CDH12: variants seen among roughly 807,000 people sequenced by gnomAD.
The protein encoded by CDH12 is cadherin 12.
A neutral mutation model predicts 74.1 loss-of-function variants in CDH12; 41 were observed. The ratio of observed to expected loss-of-function variants is 0.55; its 90% CI spans 0.43 to 0.72. CDH12 has a LOEUF of 0.72. CDH12 is among the 30% of genes least tolerant of loss of function. CDH12 has a pLI of 0.00. For synonymous variants in CDH12, 399 were observed against 355.0 expected (o/e 1.12, Z -1.39); for missense variants, 945 against 977.2 (o/e 0.97, Z 0.44).
Position 22,772,692 on chromosome 5 carries a change from C to T in CDH12, c.-523+80366G>A, listed in dbSNP as rs573438408. Among the ~76,000 whole-genome samples, 359 of 152,088 alleles carry T rather than the reference C, an allele frequency of 2.4e-3. 2 individuals are homozygous for T. The highest frequency in any genetic ancestry group is 7.5e-3 in the African/African-American group (313 of 41,512). On this transcript the variant is annotated intron_variant, in intron 1 of 14. Coordinates refer to ENST00000382254, the MANE Select transcript of CDH12 (RefSeq NM_004061.5). Reference sequence around the variant, plus strand: ...AAAAGTATATGAGAGCAAAATTTTACGCAAGGTATGCAGAAACCATGCCTG... The same window carrying T: ...AAAAGTATATGAGAGCAAAATTTTATGCAAGGTATGCAGAAACCATGCCTG...
chr5:22,656,594 TA>T (rs1171189783), intron 1 of CDH12, among the ~76,000 whole-genome samples: 5 of 152,176 alleles, frequency 3.3e-5, no homozygotes, highest in African/African-American at 2.4e-5. Flanking sequence ...TAAATTGATT[TA>T]AAAAAATTTC....
intron 1 of CDH12, among the ~76,000 whole-genome samples, chr5:22,831,620 G>A (rs1280213374): frequency 6.6e-6 from 1 of 152,042 alleles, no homozygotes; most frequent in Non-Finnish European, 1.5e-5. Flanking sequence ...AATCCAGCCG[G>A]GTACGGTGGG....
At chr5:22,456,573 A>G (rs1205596872) in intron 2 of CDH12, among the ~76,000 whole-genome samples, 2 of 152,134 alleles carry the variant, frequency 1.3e-5, no homozygotes, top group Admixed American at 6.6e-5. Flanking sequence ...CACGTGCCCA[A>G]TCAAACTATT....
chr5:22,502,911 T>C (rs1269506256), intron 2 of CDH12, among the ~76,000 whole-genome samples: 1 of 152,144 alleles, frequency 6.6e-6, no homozygotes, highest in Non-Finnish European at 1.5e-5. Flanking sequence ...ACATATGAAA[T>C]GATATCATAT....
chr5:21,765,556 A>AAAG (rs1264231774), intron 11 of CDH12, among the ~76,000 whole-genome samples: 44 of 150,880 alleles, frequency 2.9e-4, no homozygotes, highest in Admixed American at 7.9e-4. Context: ...AAAAAAAAAA[A>AAAG]GGGGAAAGAA....
At chr5:22,541,973 C>T (rs1441066891) in intron 1 of CDH12, among the ~76,000 whole-genome samples, 5 of 152,168 alleles carry the variant, frequency 3.3e-5, no homozygotes, top group African/African-American at 2.4e-5. Flanking sequence ...TTCATTTGCT[C>T]TGTTAGGGCT....
Position 22,713,032 on chromosome 5 carries a change from G to T in CDH12, c.-523+140026C>A, listed in dbSNP as rs576518269. Among the ~76,000 whole-genome samples the T allele has an allele frequency of 3.3e-5, 5 of 151,796 alleles. No homozygotes were observed. The South Asian group carries it at 8.3e-4, about 25-fold the overall frequency. On this transcript the variant is annotated intron_variant, in intron 1 of 14. Coordinates refer to ENST00000382254, the MANE Select transcript of CDH12 (RefSeq NM_004061.5). ...TACACCAGGAAACTGGGCAAACTTG[G>T]CATACATCAGAGAATACTTAACGAT...
chr5:21,970,230 GA>G (rs1580046853), intron 6 of CDH12, among the ~76,000 whole-genome samples: 2 of 152,096 alleles, frequency 1.3e-5, no homozygotes, highest in Non-Finnish European at 2.9e-5. Flanking sequence ...TTTATGTGTG[GA>G]AAATAAATAG....
At chr5:22,828,002 C>G (rs1290134557) in intron 1 of CDH12, among the ~76,000 whole-genome samples, 1 of 152,072 alleles carries the variant, frequency 6.6e-6, no homozygotes, top group Non-Finnish European at 1.5e-5. Context: ...GGCATTTGTT[C>G]TAAAGTTCCT....
Position 22,600,666 on chromosome 5 carries a change from T to G in CDH12, c.-522-95302A>C, listed in dbSNP as rs191901171. On this transcript the variant is annotated intron_variant, in intron 1 of 14. Transcript: ENST00000382254. Reference sequence around the variant, plus strand: ...GTATTTGGTATTATTGATTTTTGAATAATTTTTAATAATGCCAGATTTTTC... The same window carrying G: ...GTATTTGGTATTATTGATTTTTGAAGAATTTTTAATAATGCCAGATTTTTC... 3.6e-3 allele frequency among the ~76,000 whole-genome samples: 550 copies of G among 152,222 alleles called. 1 individual carries two copies. Among genetic ancestry groups the G allele is most frequent in the African/African-American group, 0.01 (423 of 41,560 alleles).
chr5:22,194,215 C>T (rs1234696437), intron 4 of CDH12, among the ~76,000 whole-genome samples: 7 of 151,628 alleles, frequency 4.6e-5, no homozygotes, highest in Admixed American at 3.3e-4. Flanking sequence ...AGGTACCAGG[C>T]TTGTGAGCTA....
At chr5:22,791,401 A>G (rs1747898077) in intron 1 of CDH12, among the ~76,000 whole-genome samples, 1 of 152,214 alleles carries the variant, frequency 6.6e-6, no homozygotes, top group South Asian at 2.1e-4. Flanking sequence ...AAGTATCTAC[A>G]AATAAAGAAC....
chr5:22,279,528 C>T (rs544485603), intron 3 of CDH12, among the ~76,000 whole-genome samples: 2 of 152,122 alleles, frequency 1.3e-5, no homozygotes, highest in African/African-American at 2.4e-5. Flanking sequence ...CTCCTCCCCT[C>T]CCCCCACCGC....
intron 2 of CDH12, among the ~76,000 whole-genome samples, chr5:22,468,727 T>C (rs1046006584): frequency 2.6e-5 from 4 of 152,210 alleles, no homozygotes; most frequent in Admixed American, 6.5e-5. Flanking sequence ...TTTCATCCAA[T>C]AAATAATTTA....
At chr5:22,348,726 TATTA>T (rs1740230878) in intron 3 of CDH12, among the ~76,000 whole-genome samples, 1 of 152,220 alleles carries the variant, frequency 6.6e-6, no homozygotes, top group Non-Finnish European at 1.5e-5. Flanking sequence ...AGCAGGATAC[TATTA>T]TGAATTGAAT....
At chr5:22,078,908 T>C (rs1010988003) in intron 4 of CDH12, 46 bp from the exon 5 acceptor site, 12 of 1,055,232 alleles carry the variant, frequency 1.1e-5, no homozygotes, top group Non-Finnish European at 1.5e-5. Context: ...TGAAATTGCA[T>C]GATGATATTC....
At chr5:22,152,490 C>A (rs1228416304) in intron 4 of CDH12, 1 of 151,950 alleles carries the variant, frequency 6.6e-6, no homozygotes, top group East Asian at 1.9e-4. Flanking sequence ...TACATGTGTT[C>A]AATTGTTAAA....
At chr5:22,020,188 G>T (rs1440703644) in intron 5 of CDH12, among the ~76,000 whole-genome samples, 1 of 152,132 alleles carries the variant, frequency 6.6e-6, no homozygotes, top group Non-Finnish European at 1.5e-5. Flanking sequence ...GGCTTGGGCT[G>T]CCATAACAGA....
intron 4 of CDH12, among the ~76,000 whole-genome samples, chr5:22,162,679 C>T (rs1223542616): frequency 6.6e-6 from 1 of 152,066 alleles, no homozygotes; most frequent in Non-Finnish European, 1.5e-5. Context: ...TTGTAATAAA[C>T]TTACAAATAA....
Sources: allele counts gnomAD v4.1 joint callset (sites outside exome capture counted in the v4.1 genomes callset), GRCh38; gene constraint gnomAD v4.1.1; transcripts MANE v1.5; gene names NCBI Gene and HGNC (gene_info 2026-07-23, HGNC 2026-07-21).